The following KIAA2012 variants were observed in gnomAD, a reference collection of about 807,000 sequenced individuals.
The protein encoded by KIAA2012 is KIAA2012, also known as uncharacterized protein KIAA2012.
Under a neutral mutation model 150.6 loss-of-function variants are expected in KIAA2012, and 125 were observed. The ratio of observed to expected loss-of-function variants is 0.83; its 90% CI spans 0.72 to 0.96. KIAA2012 has a LOEUF of 0.96. Ranked by LOEUF, KIAA2012 falls within the 40% of genes least tolerant of loss-of-function variation. KIAA2012 has a pLI of 0.00. For synonymous variants in KIAA2012, 462 were observed against 504.7 expected, an observed-to-expected ratio of 0.92 and a Z score of 1.13; for missense variants, 1,219 against 1,354.9, an observed-to-expected ratio of 0.90 and a Z score of 1.57.
intron 15 of KIAA2012, among the ~76,000 whole-genome samples, chr2:202,168,741 A>G (rs1691825204): frequency 6.6e-6 from 1 of 152,136 alleles, no homozygotes; most frequent in African/African-American, 2.4e-5. Flanking sequence ...TTGGGACATG[A>G]CAGAACTGCT....
intron 11 of KIAA2012, among the ~76,000 whole-genome samples, chr2:202,123,812 G>A (rs748343224): frequency 6.6e-6 from 1 of 151,750 alleles, no homozygotes; most frequent in Non-Finnish European, 1.5e-5. Context: ...CTCTCTCCCC[G>A]ATATCTCACA....
At chr2:202,119,494 G>A (rs1005099654) in intron 11 of KIAA2012, among the ~76,000 whole-genome samples, 2 of 152,110 alleles carry the variant, frequency 1.3e-5, no homozygotes, top group East Asian at 1.9e-4. Context: ...AGGCATCACC[G>A]TCATCAGTAT....
intron 11 of KIAA2012, among the ~76,000 whole-genome samples, chr2:202,123,401 G>C (rs1346344109): frequency 1.3e-5 from 2 of 152,100 alleles, no homozygotes; most frequent in Non-Finnish European, 2.9e-5. Flanking sequence ...ATTAATGTTT[G>C]TTCTCATTTC....
chr2:202,156,064 A>G (rs1048171219), intron 14 of KIAA2012, among the ~76,000 whole-genome samples: 5 of 152,192 alleles, frequency 3.3e-5, no homozygotes, highest in Admixed American at 2.0e-4. Flanking sequence ...ACTGAAAACT[A>G]TAAGAAGGAA....
rs1031166710 is a variant in KIAA2012 at position 202,188,231 on chromosome 2, A to G, written c.2456A>G (p.Glu819Gly). 4 of 1,550,378 alleles carry G rather than the reference A, an allele frequency of 2.6e-6. No homozygotes were observed. Among genetic ancestry groups the G allele is most frequent in the Non-Finnish European group, 3.5e-6 (4 of 1,146,924 alleles). ...ACCAAAGGACCCAAAAGCGAGAGAG[A>G]AGGAAAGGTCTACGGGCAAGCAGAG... ...DKTKGPKSER[E>G]GKVYGQAEAA... is the part of the protein sequence containing the mutation. The change falls in exon 18 of 24, where the codon GAA (glutamate) becomes GGA (glycine). Residue 819 changes from glutamate to glycine, a missense_variant. Glu to Gly is a moderately conservative substitution (Grantham distance 98). Transcript: ENST00000498697.
intron 23 of KIAA2012, among the ~76,000 whole-genome samples, chr2:202,203,069 C>A (rs1373828025): frequency 6.6e-6 from 1 of 152,146 alleles, no homozygotes; most frequent in African/African-American, 2.4e-5. Flanking sequence ...ACATTTTGTT[C>A]AACCCAACTG....
At chr2:202,113,284 C>A in intron 10 of KIAA2012, 52 bp from the exon 11 acceptor site, 1 of 1,418,106 alleles carries the variant, frequency 7.1e-7, no homozygotes, top group Non-Finnish European at 9.7e-7. Context: ...TTTGGTCTGT[C>A]TCCCTCACCA....
In KIAA2012 at chr2:202,160,129, G is replaced by A. The variant is rs115378786; in HGVS notation, c.2047-5155G>A. ...ACATGGCTGGCAGCAGAGGGAGCTA[G>A]GATTCAAAGCCAAAAATCCCCACAA... On this transcript the variant is annotated intron_variant, in intron 14 of 23. Transcript: ENST00000498697. 2.2e-3 allele frequency among the ~76,000 whole-genome samples: 335 copies of A among 152,212 alleles called. 1 individual carries two copies. Among genetic ancestry groups the A allele is most frequent in the African/African-American group, 7.9e-3 (329 of 41,540 alleles).
At chr2:202,190,086 T>TA in intron 18 of KIAA2012, 88 bp from the exon 19 acceptor site, 1 of 1,088,672 alleles carries the variant, frequency 9.2e-7, no homozygotes. Context: ...AGACCCTGTC[T>TA]CAAAAAAAAA....
At chr2:202,199,208 CTTT>C (rs1692467934) in intron 22 of KIAA2012, among the ~76,000 whole-genome samples, 1 of 152,152 alleles carries the variant, frequency 6.6e-6, no homozygotes, top group Non-Finnish European at 1.5e-5. Context: ...TACTAACTGG[CTTT>C]ATTTCATCTT....
At chr2:202,142,912 G>T (rs1476923152) in intron 13 of KIAA2012, among the ~76,000 whole-genome samples, 1 of 151,352 alleles carries the variant, frequency 6.6e-6, no homozygotes, top group Middle Eastern at 3.4e-3. Context: ...GGACCAGATA[G>T]TCTTTGTTGT....
chr2:202,105,079 A>G (rs984850338), intron 8 of KIAA2012, among the ~76,000 whole-genome samples: 1 of 152,182 alleles, frequency 6.6e-6, no homozygotes, highest in African/African-American at 2.4e-5. Flanking sequence ...CTTTAAAAGC[A>G]TCATGAGCCT....
intron 11 of KIAA2012, among the ~76,000 whole-genome samples, chr2:202,120,856 T>C (rs767498076): frequency 2.6e-5 from 4 of 151,978 alleles, no homozygotes; most frequent in Admixed American, 6.5e-5. Context: ...ATTGACTGAA[T>C]AATATTTATA....
intron 5 of KIAA2012, among the ~76,000 whole-genome samples, chr2:202,098,819 TGCAC>T (rs1314244933): frequency 1.5e-4 from 22 of 145,156 alleles, no homozygotes; most frequent in African/African-American, 5.5e-4. Context: ...TGTGTGTGTG[TGCAC>T]GCGCGCGCGC....
chr2:202,192,687 C>A (rs1692344353), intron 19 of KIAA2012, among the ~76,000 whole-genome samples: 1 of 152,088 alleles, frequency 6.6e-6, no homozygotes, highest in African/African-American at 2.4e-5. Context: ...GAACTCCTGA[C>A]CTCAGGTGAT....
intron 3 of KIAA2012, among the ~76,000 whole-genome samples, chr2:202,091,594 T>C (rs1210165255): frequency 6.6e-6 from 1 of 152,172 alleles, no homozygotes; most frequent in Non-Finnish European, 1.5e-5. Flanking sequence ...AGCACATGCA[T>C]ACCCACCCCC....
intron 19 of KIAA2012, among the ~76,000 whole-genome samples, chr2:202,191,555 AAAAAAAAAAG>A (rs1176125035): frequency 0.035 from 8 of 226 alleles, no homozygotes; most frequent in Admixed American, 0.25. Flanking sequence ...TCTCTAACCA[AAAAAAAAAAG>A]AAAAAAAAGA....
chr2:202,145,976 G>T (rs1471137323), intron 13 of KIAA2012, among the ~76,000 whole-genome samples: 1 of 151,098 alleles, frequency 6.6e-6, no homozygotes, highest in South Asian at 2.2e-4. Flanking sequence ...TGAGCCACCC[G>T]CCTGGCCAAG....
Position 202,149,119 on chromosome 2 carries a change from G to A in KIAA2012, c.1909-5554G>A, listed in dbSNP as rs141343179. On this transcript the variant is annotated intron_variant, in intron 13 of 23. Transcript: ENST00000498697. ...ACCCTAGCAGGGGGCGGGAGGACAG[G>A]GAAGCTCAGAATCCCAGCCCTCCTT... Among the ~76,000 whole-genome samples the A allele has an allele frequency of 1.1e-3, 165 of 152,250 alleles. 1 individual carries two copies. The highest frequency in any genetic ancestry group is 0.01 in the Middle Eastern group (3 of 294).
Sources: allele counts gnomAD v4.1 joint callset (sites outside exome capture counted in the v4.1 genomes callset), GRCh38; gene constraint gnomAD v4.1.1; transcripts MANE v1.5; gene names NCBI Gene and HGNC (gene_info 2026-07-23, HGNC 2026-07-21).